The following DPP6 variants were observed in gnomAD, a reference collection of about 807,000 sequenced individuals.
DPP6 encodes A-type potassium channel modulatory protein DPP6.
Under a neutral mutation model 122.6 loss-of-function variants are expected in DPP6, and 69 were observed. The observed-to-expected ratio is 0.56, with a 90% confidence interval of 0.46 to 0.69. The LOEUF (loss-of-function observed/expected upper bound fraction) is 0.69. Ranked by LOEUF, DPP6 falls within the 30% of genes least tolerant of loss-of-function variation. The pLI is 0.00. For missense variants in DPP6, 928 were observed against 1,116.9 expected (o/e 0.83, Z 2.41); for synonymous variants, 418 against 433.1 (o/e 0.97, Z 0.43).
At chr7:154,749,846 C>A (rs981495914) in intron 8 of DPP6, among the ~76,000 whole-genome samples, 2 of 125,200 alleles carry the variant, frequency 1.6e-5, no homozygotes, top group Admixed American at 1.7e-4. Context: ...AAGCATAGGA[C>A]GGGAAAGAGA....
chr7:154,111,835 G>A (rs1806605355), intron 1 of DPP6, among the ~76,000 whole-genome samples: 1 of 152,120 alleles, frequency 6.6e-6, no homozygotes, highest in Admixed American at 6.5e-5. Context: ...TGGTGCGTAG[G>A]CAGGTTCTAT....
intron 6 of DPP6, among the ~76,000 whole-genome samples, chr7:154,640,605 G>A (rs11771738): frequency 0.055 from 8,447 of 152,234 alleles, 285 homozygotes; most frequent in Non-Finnish European, 0.075. Context: ...ATCTCTGAGC[G>A]GTATCTCCGT....
chr7:154,779,462 T>C (rs563190964), intron 10 of DPP6, among the ~76,000 whole-genome samples: 1 of 152,264 alleles, frequency 6.6e-6, no homozygotes, highest in African/African-American at 2.4e-5. Context: ...ATTTACAATG[T>C]CAATAACCTG....
chr7:153,810,611 CT>C, the DPP6 span, among the ~76,000 whole-genome samples: 1 of 150,610 alleles, frequency 6.6e-6, no homozygotes, highest in Non-Finnish European at 1.5e-5. Context: ...CTCAGTTTTT[CT>C]TTTCTTCTAC....
chr7:154,443,937 C>A (rs73726875), intron 1 of DPP6, among the ~76,000 whole-genome samples: 5 of 151,820 alleles, frequency 3.3e-5, no homozygotes, highest in Non-Finnish European at 5.9e-5. Context: ...TGCCGGGGGA[C>A]AACCTAGTGA....
chr7:154,642,053 C>G (rs1354516479), intron 6 of DPP6, among the ~76,000 whole-genome samples: 1 of 152,206 alleles, frequency 6.6e-6, no homozygotes, highest in African/African-American at 2.4e-5. Flanking sequence ...CTACCTGGAA[C>G]TGCTCTCTAA....
At chr7:154,017,374 C>T (rs1489057791) in intron 1 of DPP6, among the ~76,000 whole-genome samples, 1 of 152,076 alleles carries the variant, frequency 6.6e-6, no homozygotes, top group Non-Finnish European at 1.5e-5. Flanking sequence ...GCCACCGTGC[C>T]CAGTCAACAA....
chr7:154,522,095 C>T lies in DPP6; in HGVS notation c.458-18437C>T, dbSNP rs538012757. Among the ~76,000 whole-genome samples, 8 of 152,266 alleles carry T rather than the reference C, an allele frequency of 5.3e-5. No individual in the cohort carries two copies. The East Asian group carries it at 1.5e-3, about 29-fold the overall frequency. ...TCTCCTGTTTCAGCTTCCCGGGTAG[C>T]TGGGACTACAGGCACCTGCCACCAC... On this transcript the variant is annotated intron_variant, in intron 3 of 25. Transcript: ENST00000377770.
At chr7:153,935,771 C>T (rs1185569742) in intron 1 of DPP6, among the ~76,000 whole-genome samples, 2 of 152,296 alleles carry the variant, frequency 1.3e-5, no homozygotes, top group Admixed American at 1.3e-4. Flanking sequence ...GCTGCTCTCC[C>T]GTTCACCTGA....
intron 1 of DPP6, among the ~76,000 whole-genome samples, chr7:154,406,020 A>G (rs1283039967): frequency 6.6e-6 from 1 of 152,248 alleles, no homozygotes; most frequent in East Asian, 1.9e-4. Flanking sequence ...ATACTGGTAC[A>G]TTAAGTTTTC....
At chr7:154,777,224 GTC>G (rs1224392727) in intron 10 of DPP6, among the ~76,000 whole-genome samples, 1 of 152,220 alleles carries the variant, frequency 6.6e-6, no homozygotes, top group Non-Finnish European at 1.5e-5. Flanking sequence ...TGTAGCCAGA[GTC>G]TGCATGGAAG....
At chr7:153,961,517 AC>A (rs1795350943) in intron 1 of DPP6, among the ~76,000 whole-genome samples, 1 of 149,958 alleles carries the variant, frequency 6.7e-6, no homozygotes, top group Non-Finnish European at 1.5e-5. Context: ...ACTTTTTGGC[AC>A]CAGGGACTGG....
At chr7:153,749,094 C>T in the DPP6 span, among the ~76,000 whole-genome samples, 6 of 152,046 alleles carry the variant, frequency 3.9e-5, no homozygotes, top group Non-Finnish European at 8.8e-5. The surrounding 1 kb of genome is among the most constrained non-coding windows in gnomAD (Gnocchi z 4.1). Flanking sequence ...GAGACTCCGG[C>T]AGGTTTGTGG....
At chr7:154,071,858 C>T (rs1232520159) in intron 1 of DPP6, among the ~76,000 whole-genome samples, 1 of 152,146 alleles carries the variant, frequency 6.6e-6, no homozygotes, top group Non-Finnish European at 1.5e-5. Flanking sequence ...CTTCAACTTC[C>T]CTCTGTGATA....
chr7:153,776,693 A>G, the DPP6 span, among the ~76,000 whole-genome samples: 1 of 152,218 alleles, frequency 6.6e-6, no homozygotes, highest in Admixed American at 6.5e-5. Context: ...TACAGAGGAA[A>G]GGCAGTCTTT....
intron 17 of DPP6, among the ~76,000 whole-genome samples, chr7:154,860,624 G>A (rs533589905): frequency 8.5e-5 from 13 of 152,378 alleles, no homozygotes; most frequent in East Asian, 3.9e-4. Flanking sequence ...CTGGGGTGGC[G>A]AAGCATCATA....
chr7:154,141,411 C>T (rs1320236576), intron 1 of DPP6, among the ~76,000 whole-genome samples: 2 of 152,300 alleles, frequency 1.3e-5, no homozygotes, highest in African/African-American at 4.8e-5. Context: ...TTCTGAGCTG[C>T]TGAAAACATC....
chr7:154,237,987 G>A (rs1801329489), intron 1 of DPP6, among the ~76,000 whole-genome samples: 1 of 152,202 alleles, frequency 6.6e-6, no homozygotes, highest in Non-Finnish European at 1.5e-5. Context: ...TCTGAGAGAG[G>A]ATCCCAGGGA....
At chr7:154,647,361 C>T (rs140410955) in intron 6 of DPP6, among the ~76,000 whole-genome samples, 1 of 152,314 alleles carries the variant, frequency 6.6e-6, no homozygotes, top group East Asian at 1.9e-4. Flanking sequence ...CTGAATATGC[C>T]AGTAAAGTTT....
Sources: allele counts gnomAD v4.1 joint callset (sites outside exome capture counted in the v4.1 genomes callset), GRCh38; gene constraint gnomAD v4.1.1; non-coding constraint Gnocchi (gnomAD v3.1); transcripts MANE v1.5; gene names NCBI Gene and HGNC (gene_info 2026-07-23, HGNC 2026-07-21).